The following BCAS3 variants were observed in gnomAD, a reference collection of about 807,000 sequenced individuals.
BCAS3 encodes the protein BCAS4/BCAS3 fusion.
A neutral mutation model predicts 116.1 loss-of-function variants in BCAS3; 53 were observed. That is an observed-to-expected ratio of 0.46 (90% CI 0.37 to 0.57). The LOEUF (loss-of-function observed/expected upper bound fraction) is 0.57. BCAS3 is among the 20% of genes least tolerant of loss of function. The pLI is 0.00. For missense variants in BCAS3, 917 were observed against 1,165.4 expected (o/e 0.79, Z 3.10); for synonymous variants, 391 against 408.2 (o/e 0.96, Z 0.51).
intron 6 of BCAS3, among the ~76,000 whole-genome samples, chr17:60,766,029 G>C (rs557740410): frequency 1.3e-5 from 2 of 152,242 alleles, no homozygotes; most frequent in South Asian, 4.2e-4. Flanking sequence ...ATGGTTTTCA[G>C]CTCCATCAGG....
intron 22 of BCAS3, among the ~76,000 whole-genome samples, chr17:61,359,296 A>G (rs2058325125): frequency 6.6e-6 from 1 of 152,178 alleles, no homozygotes; most frequent in Non-Finnish European, 1.5e-5. Context: ...GCACTTGTCA[A>G]AAGACAAAAT....
At chr17:60,797,462 G>A (rs2047315740) in intron 6 of BCAS3, among the ~76,000 whole-genome samples, 1 of 150,624 alleles carries the variant, frequency 6.6e-6, no homozygotes, top group Non-Finnish European at 1.5e-5. Flanking sequence ...CAGTTCTCCT[G>A]TCCGGCCTCC....
chr17:61,335,580 T>C (rs1346101217), intron 22 of BCAS3, among the ~76,000 whole-genome samples: 1 of 152,186 alleles, frequency 6.6e-6, no homozygotes, highest in Non-Finnish European at 1.5e-5. Flanking sequence ...CTCTGGGTGC[T>C]GACTGACTTC....
At chr17:60,959,374 G>C (rs1338615316) in intron 14 of BCAS3, among the ~76,000 whole-genome samples, 1 of 151,824 alleles carries the variant, frequency 6.6e-6, no homozygotes, top group Non-Finnish European at 1.5e-5. Context: ...GCCCATTAAA[G>C]AAAAATTGAT....
At chr17:61,091,251 C>G (rs1453087662) in intron 22 of BCAS3, among the ~76,000 whole-genome samples, 1 of 152,196 alleles carries the variant, frequency 6.6e-6, no homozygotes, top group African/African-American at 2.4e-5. Context: ...TGCAATACTT[C>G]TCACTGTTGA....
intron 4 of BCAS3, among the ~76,000 whole-genome samples, chr17:60,698,069 C>CG (rs1169552660): frequency 2.0e-5 from 3 of 151,296 alleles, no homozygotes; most frequent in African/African-American, 7.3e-5. Context: ...GTCCCAGCTA[C>CG]TCGGGAGGCT....
intron 22 of BCAS3, among the ~76,000 whole-genome samples, chr17:61,264,263 A>G (rs926332501): frequency 3.3e-5 from 5 of 152,130 alleles, no homozygotes; most frequent in Non-Finnish European, 7.4e-5. Flanking sequence ...ATCCAGAGAA[A>G]ATTCTGACTT....
intron 7 of BCAS3, among the ~76,000 whole-genome samples, chr17:60,829,217 G>A (rs879911078): frequency 2.0e-5 from 3 of 152,008 alleles, no homozygotes; most frequent in Non-Finnish European, 2.9e-5. Flanking sequence ...GTAGAGGGTC[G>A]GGTGTGGTGG....
Position 61,367,936 on chromosome 17 carries a change from A to T in BCAS3, c.2426-391A>T. Reference sequence around the variant, plus strand: ...GTTGGGATTGCAGGTGTAAGGCACCACTCCCCGCCCTAAATGAAATTGTAG... The same window carrying T: ...GTTGGGATTGCAGGTGTAAGGCACCTCTCCCCGCCCTAAATGAAATTGTAG... On this transcript the variant is annotated intron_variant, in intron 22 of 23. Coordinates refer to ENST00000407086, the MANE Select transcript of BCAS3 (RefSeq NM_017679.5). The surrounding 1 kb of genome is among the most constrained non-coding windows in gnomAD (Gnocchi z 6.2). 6.3e-6 allele frequency: 1 copy of T among 158,530 alleles called. No homozygotes were observed. The allele number at this position is 158,530 out of a possible 1,614,324, so 9.8% of individuals were successfully genotyped here.
chr17:60,975,546 G>T (rs560375981), intron 14 of BCAS3, among the ~76,000 whole-genome samples: 1 of 152,132 alleles, frequency 6.6e-6, no homozygotes, highest in African/African-American at 2.4e-5. Context: ...ATTTGTTGAG[G>T]TATAATTCAC....
intron 7 of BCAS3, among the ~76,000 whole-genome samples, chr17:60,849,480 A>T (rs1477896971): frequency 6.6e-6 from 1 of 151,950 alleles, no homozygotes; most frequent in Non-Finnish European, 1.5e-5. Context: ...TTGGGTGTTT[A>T]TTATTTGCTT....
chr17:60,922,226 A>G (rs1034222652), intron 12 of BCAS3, among the ~76,000 whole-genome samples: 5 of 152,136 alleles, frequency 3.3e-5, no homozygotes, highest in African/African-American at 1.2e-4. Flanking sequence ...TCCTGGGTTC[A>G]AGCAATTCTC....
intron 7 of BCAS3, among the ~76,000 whole-genome samples, chr17:60,834,711 C>T (rs1490872327): frequency 6.6e-6 from 1 of 151,838 alleles, no homozygotes; most frequent in Non-Finnish European, 1.5e-5. Flanking sequence ...ATTTCAAGTA[C>T]CCCATGTTTT....
intron 15 of BCAS3, among the ~76,000 whole-genome samples, chr17:60,991,184 A>G (rs1021758807): frequency 6.6e-6 from 1 of 152,050 alleles, no homozygotes; most frequent in Non-Finnish European, 1.5e-5. Flanking sequence ...TATTGTTTCC[A>G]TTTTATGTAA....
chr17:61,010,383 T>C (rs1313092155), intron 15 of BCAS3, among the ~76,000 whole-genome samples: 1 of 151,984 alleles, frequency 6.6e-6, no homozygotes, highest in African/African-American at 2.4e-5. Context: ...TATGTGTTAG[T>C]ATGGAGATTG....
chr17:61,296,010 A>G (rs1277124829), intron 22 of BCAS3, among the ~76,000 whole-genome samples: 2 of 152,068 alleles, frequency 1.3e-5, no homozygotes, highest in Non-Finnish European at 2.9e-5. Flanking sequence ...TTTCAACACA[A>G]CAGTTGCTTA....
At chr17:61,045,823 T>TTCTCTCTCTCTCTCTCTC (rs1182475386) in intron 19 of BCAS3, among the ~76,000 whole-genome samples, 397 of 34,594 alleles carry the variant, frequency 0.011, 19 homozygotes, top group African/African-American at 0.028. Context: ...TCATCTCTCT[T>TTCTCTCTCTCTCTCTCTC]TCTCTCTCTC....
chr17:61,237,426 A>G (rs918440459), intron 22 of BCAS3, among the ~76,000 whole-genome samples: 4 of 152,214 alleles, frequency 2.6e-5, no homozygotes, highest in Non-Finnish European at 4.4e-5. Context: ...GGGGACAAAT[A>G]AAGGAATAAA....
intron 12 of BCAS3, among the ~76,000 whole-genome samples, chr17:60,912,516 GGCTC>G (rs986068771): frequency 2.6e-5 from 4 of 151,986 alleles, no homozygotes; most frequent in African/African-American, 9.7e-5. Flanking sequence ...TATTAAATTT[GGCTC>G]TTGTATTTTA....
Sources: gnomAD v4.1 joint callset for allele counts (sites outside exome capture counted in the v4.1 genomes callset) on GRCh38, gnomAD v4.1.1 for gene constraint, Gnocchi (gnomAD v3.1) non-coding constraint, MANE v1.5 for transcripts, NCBI Gene and HGNC (gene_info 2026-07-23, HGNC 2026-07-21) for gene names.